The following CYFIP2 variants were observed in gnomAD, a reference collection of about 807,000 sequenced individuals.
CYFIP2 encodes the protein cytoplasmic FMR1-interacting protein 2.
In CYFIP2, 29 loss-of-function variants were observed where a neutral mutation model predicts 158.7. That is an observed-to-expected ratio of 0.18 (90% CI 0.14 to 0.25). The LOEUF (loss-of-function observed/expected upper bound fraction) is 0.25, where lower values mean the gene tolerates loss of function less well. Among genes scored for constraint, CYFIP2 ranks in the 10% least tolerant of loss-of-function variants. CYFIP2 has a pLI of 1.00. For synonymous variants in CYFIP2, 585 were observed against 617.6 expected, an observed-to-expected ratio of 0.95 and a Z score of 0.78; for missense variants, 852 against 1,639.5, an observed-to-expected ratio of 0.52 and a Z score of 8.29.
rs1246732570 is a variant in CYFIP2 at position 157,341,145 on chromosome 5, C to G, written c.2661C>G (p.Leu887=). The change falls in exon 23 of 31, where the codon CTC becomes CTG. Residue 887 remains leucine, a synonymous_variant. Transcript: ENST00000620254. ...DKPANVQPYY[L]YGSKPLNIAY... is the part of the protein sequence containing the mutation. ...CTGCCAACGTCCAGCCTTATTACCT[C>G]TATGGATCCAAGGTAAGTAGTCCTG... is the stretch of plus-strand genomic sequence containing the variant. The G allele has an allele frequency of 6.2e-7, 1 of 1,613,854 alleles. No individual in the cohort carries two copies. The highest frequency in any genetic ancestry group is 8.5e-7 in the Non-Finnish European group (1 of 1,179,876).
chr5:157,307,892 A>C, intron 9 of CYFIP2, 27 bp downstream of exon 9: 1 of 1,356,020 alleles, frequency 7.4e-7, no homozygotes, highest in Non-Finnish European at 1.0e-6. Context: ...GGGGCTGGGC[A>C]GAGGGCTGAG....
rs760056427 is a variant in CYFIP2, at chr5:157,390,490, C to CA, written c.3447-30dup. The CA allele has an allele frequency of 1.2e-5, 17 of 1,395,676 alleles. No individual in the cohort carries two copies. The African/African-American group carries it at 1.4e-4, about 12-fold the overall frequency. 86.5% of individuals were successfully genotyped at this position (1,395,676 alleles called of 1,614,324 possible). A position where few individuals can be genotyped will look rare whatever the true frequency, so the allele number is the denominator to read the frequency against. On this transcript the variant is annotated intron_variant, in intron 29 of 30. Coordinates refer to ENST00000620254, the MANE Select transcript of CYFIP2 (RefSeq NM_001037333.3). Reference sequence around the variant, plus strand: ...TCCCTGCCCTCCTCCCCCGACCTCTCACTCCAGCTGCTTCCTCCCCCTGCT... The same window carrying CA: ...TCCCTGCCCTCCTCCCCCGACCTCTCAACTCCAGCTGCTTCCTCCCCCTGCT...
intron 1 of CYFIP2, among the ~76,000 whole-genome samples, chr5:157,275,266 T>A (rs1236374702): frequency 6.6e-6 from 1 of 152,220 alleles, no homozygotes; most frequent in Non-Finnish European, 1.5e-5. Context: ...AGATGTACTC[T>A]TATGAGTTTT....
At position 157,311,550 on chromosome 5, in the gene CYFIP2, T is replaced by G. The variant is rs1332702827; in HGVS notation, c.993-114T>G. On this transcript the variant is annotated intron_variant, in intron 10 of 30. Coordinates refer to ENST00000620254, the MANE Select transcript of CYFIP2 (RefSeq NM_001037333.3). The surrounding 1 kb of genome is among the most constrained non-coding windows in gnomAD (Gnocchi z 4.7). ...TTGCTGAGGCGGCTGGGATACCATT[T>G]GGTGTCACCCAGGGGAGTTGGCCAC... 2.4e-6 allele frequency: 2 copies of G among 818,084 alleles called. No homozygotes were observed. The highest frequency in any genetic ancestry group is 2.0e-6 in the Non-Finnish European group (1 of 511,912). 50.7% of individuals were successfully genotyped at this position (818,084 alleles called of 1,614,324 possible).
chr5:157,383,989 C>T (rs1219747592), intron 28 of CYFIP2, among the ~76,000 whole-genome samples: 3 of 152,070 alleles, frequency 2.0e-5, no homozygotes, highest in Admixed American at 2.0e-4. Context: ...CACAACAAAA[C>T]CATATAAAAC....
chr5:157,345,384 T>C (rs1762603335), intron 23 of CYFIP2: 2 of 152,654 alleles, frequency 1.3e-5, no homozygotes, highest in Admixed American at 6.5e-5. Context: ...TCCTCACCTT[T>C]TAGGACCAGG....
At chr5:157,383,412 C>T (rs748930674) in intron 28 of CYFIP2, 53 bp downstream of exon 28, 9 of 1,517,924 alleles carry the variant, frequency 5.9e-6, no homozygotes, top group African/African-American at 1.4e-5. Context: ...AACTTGAGAG[C>T]ATTTGACCAA....
At chr5:157,290,245 C>G (rs1008773114) in intron 3 of CYFIP2, among the ~76,000 whole-genome samples, 3 of 152,208 alleles carry the variant, frequency 2.0e-5, no homozygotes, top group Admixed American at 1.3e-4. Context: ...AGAAGTCTGA[C>G]GTGGGTCTTA....
intron 5 of CYFIP2, among the ~76,000 whole-genome samples, chr5:157,297,976 C>G (rs888885717): frequency 9.9e-5 from 15 of 152,194 alleles, no homozygotes; most frequent in African/African-American, 2.7e-4. Flanking sequence ...TTTAGTTGGA[C>G]TTAGACTCTG....
At chr5:157,340,993 C>A in intron 22 of CYFIP2, 77 bp from the exon 23 acceptor site, 1 of 1,373,748 alleles carries the variant, frequency 7.3e-7, no homozygotes, top group Non-Finnish European at 1.0e-6. Context: ...GGCCAGGAAG[C>A]ACTCCTGTTA....
At chr5:157,384,598 G>T (rs747369926) in intron 28 of CYFIP2, 25 of 432,150 alleles carry the variant, frequency 5.8e-5, no homozygotes, top group Non-Finnish European at 1.1e-4. Flanking sequence ...AGCCACCCCA[G>T]CCCGGCCCCC....
chr5:157,342,944 G>C lies in CYFIP2; in HGVS notation c.2673+1787G>C, dbSNP rs1762386980. 8.7e-6 allele frequency: 14 copies of C among 1,614,112 alleles called. No individual in the cohort carries two copies. The South Asian group carries it at 8.8e-5, about 10-fold the overall frequency. ...ACCCGCATCAGGGGCATCCTGGTTG[G>C]CTTCGGGATCCAGTTCAGCTCCATC... On this transcript the variant is annotated intron_variant, in intron 23 of 30. Transcript: ENST00000620254.
At chr5:157,319,434 C>G (rs1760412816) in intron 13 of CYFIP2, among the ~76,000 whole-genome samples, 1 of 152,180 alleles carries the variant, frequency 6.6e-6, no homozygotes, top group Admixed American at 6.5e-5. Flanking sequence ...AAATTGTGGC[C>G]CATGGGCCAG....
chr5:157,271,896 C>T (rs1399956666), intron 1 of CYFIP2, among the ~76,000 whole-genome samples: 1 of 152,164 alleles, frequency 6.6e-6, no homozygotes, highest in Non-Finnish European at 1.5e-5. Flanking sequence ...ATCTGAGAGG[C>T]AGCTCCTCTC....
intron 3 of CYFIP2, among the ~76,000 whole-genome samples, chr5:157,287,672 A>C (rs1282187807): frequency 1.3e-5 from 2 of 152,204 alleles, no homozygotes; most frequent in Non-Finnish European, 2.9e-5. Context: ...TCCAAATTCC[A>C]TGTTCATAGA....
chr5:157,267,781 T>C (rs1755730490), intron 1 of CYFIP2, among the ~76,000 whole-genome samples: 1 of 152,226 alleles, frequency 6.6e-6, no homozygotes, highest in African/African-American at 2.4e-5. Context: ...CTATCACTAA[T>C]GGTAGAATTT....
chr5:157,337,731 G>A (rs1398724372), intron 21 of CYFIP2, among the ~76,000 whole-genome samples: 2 of 152,200 alleles, frequency 1.3e-5, no homozygotes, highest in Non-Finnish European at 2.9e-5. Context: ...CATTACAGCC[G>A]ACCCTATGGT....
Position 157,300,302 on chromosome 5 carries a change from C to T in CYFIP2, c.388-413C>T, listed in dbSNP as rs911141730. On this transcript the variant is annotated intron_variant, in intron 5 of 30. Coordinates refer to ENST00000620254, the MANE Select transcript of CYFIP2 (RefSeq NM_001037333.3). ...AATCAGTCCCAGCACTTTGGGAGGC[C>T]GAGGCAGGTGGGTCACAAGGTCACG... is the stretch of plus-strand genomic sequence containing the variant. 3.3e-5 allele frequency among the ~76,000 whole-genome samples: 5 copies of T among 152,042 alleles called. No homozygotes were observed. In the East Asian group the frequency reaches 5.8e-4, roughly 18 times the overall value.
intron 23 of CYFIP2, chr5:157,342,072 TC>T (rs1268668153): frequency 6.6e-6 from 1 of 152,654 alleles, no homozygotes; most frequent in Non-Finnish European, 1.5e-5. Flanking sequence ...ACACTGGATC[TC>T]CCTTTTTATC....
Sources: allele counts gnomAD v4.1 joint callset (sites outside exome capture counted in the v4.1 genomes callset), GRCh38; gene constraint gnomAD v4.1.1; non-coding constraint Gnocchi (gnomAD v3.1); transcripts MANE v1.5; gene names NCBI Gene and HGNC (gene_info 2026-07-23, HGNC 2026-07-21).